GIT2: variants seen among roughly 807,000 people sequenced by gnomAD.
The protein encoded by GIT2 is ARF GTPase-activating protein GIT2.
Under a neutral mutation model 100.3 loss-of-function variants are expected in GIT2, and 32 were observed. The ratio of observed to expected loss-of-function variants is 0.32; its 90% CI spans 0.24 to 0.43. The LOEUF is 0.43. GIT2 is among the 20% of genes least tolerant of loss of function. The pLI is 1.00. For synonymous variants in GIT2, 353 were observed against 364.1 expected (o/e 0.97, Z 0.35); for missense variants, 737 against 975.1 (o/e 0.76, Z 3.25).
chr12:109,978,696 TTC>T (rs1215848857), intron 7 of GIT2, among the ~76,000 whole-genome samples: 8 of 152,250 alleles, frequency 5.3e-5, no homozygotes, highest in African/African-American at 1.9e-4. Flanking sequence ...TCCTATTTGG[TTC>T]TCTTCTGTAT....
chr12:109,984,593 C>T (rs1886978050), intron 4 of GIT2, among the ~76,000 whole-genome samples: 1 of 151,374 alleles, frequency 6.6e-6, no homozygotes, highest in African/African-American at 2.4e-5. Context: ...ACTACAGGCG[C>T]CGGCCACCAT....
At chr12:109,995,938 CGGAGGGAACG>C (rs1314385344) in intron 1 of GIT2, among the ~76,000 whole-genome samples, 11 of 152,128 alleles carry the variant, frequency 7.2e-5, no homozygotes, top group African/African-American at 2.2e-4. Context: ...TGGCCTAGGA[CGGAGGGAACG>C]GGAGGGAACG....
upstream of GIT2, chr12:109,997,394 CAACAACAAA>C (rs1378659803): frequency 1.3e-5 from 2 of 151,930 alleles, no homozygotes; most frequent in African/African-American, 4.8e-5. Context: ...ACTTCAACAA[CAACAACAAA>C]AATAACAAAA....
chr12:109,945,846 T>G (rs1056056137), intron 15 of GIT2, among the ~76,000 whole-genome samples: 1 of 152,148 alleles, frequency 6.6e-6, no homozygotes, highest in Non-Finnish European at 1.5e-5. Flanking sequence ...ATAAGATTCT[T>G]AACTTAGGGT....
At chr12:109,999,723 C>T (rs1468029433), upstream of GIT2, 15 of 1,537,746 alleles carry the variant, frequency 9.8e-6, no homozygotes, top group African/African-American at 1.4e-5. The surrounding 1 kb of genome is among the most constrained non-coding windows in gnomAD (Gnocchi z 4.3). Flanking sequence ...GACCACTACC[C>T]CCTGCACCTC....
intron 7 of GIT2, among the ~76,000 whole-genome samples, chr12:109,977,489 C>T (rs1296913566): frequency 2.6e-5 from 4 of 151,878 alleles, no homozygotes; most frequent in South Asian, 2.1e-4. Context: ...CCAGCCTAGG[C>T]GATGGAGTGA....
chr12:109,975,350 C>G (rs1347426546), intron 7 of GIT2, among the ~76,000 whole-genome samples: 1 of 152,034 alleles, frequency 6.6e-6, no homozygotes, highest in Non-Finnish European at 1.5e-5. Flanking sequence ...AGACTATGGG[C>G]ATGCACCACC....
At chr12:109,997,183 C>T (rs1364739464), upstream of GIT2, among the ~76,000 whole-genome samples, 1 of 121,246 alleles carries the variant, frequency 8.2e-6, no homozygotes. Flanking sequence ...CCAGCATGGG[C>T]GACAGAGTGA....
chr12:109,958,825 G>C (rs890154703), intron 12 of GIT2, among the ~76,000 whole-genome samples: 14 of 152,304 alleles, frequency 9.2e-5, no homozygotes, highest in Non-Finnish European at 1.3e-4. Context: ...TATGGATACA[G>C]TAATAGGGCT....
chr12:109,987,271 C>T (rs895898589), intron 4 of GIT2, among the ~76,000 whole-genome samples: 3 of 151,400 alleles, frequency 2.0e-5, no homozygotes, highest in African/African-American at 7.3e-5. Flanking sequence ...GTAGTCCCAG[C>T]TACTTGGGAG....
chr12:109,994,075 CA>C (rs34393850), intron 1 of GIT2, among the ~76,000 whole-genome samples: 1,767 of 59,678 alleles, frequency 0.03, 16 homozygotes, highest in African/African-American at 0.083. Flanking sequence ...ACACTAATGG[CA>C]AAAAAAAAAA....
At chr12:109,977,295 G>C (rs937181568) in intron 7 of GIT2, among the ~76,000 whole-genome samples, 6 of 152,134 alleles carry the variant, frequency 3.9e-5, no homozygotes, top group Non-Finnish European at 8.8e-5. Context: ...TGGATTACTT[G>C]AGCTCAGGAA....
intron 7 of GIT2, among the ~76,000 whole-genome samples, chr12:109,969,091 C>CTGTATTTT (rs1883213452): frequency 6.6e-6 from 1 of 151,276 alleles, no homozygotes; most frequent in Admixed American, 6.6e-5. Flanking sequence ...TTCCAAATAC[C>CTGTATTTT]TGTATTTTTC....
At chr12:109,936,683 C>T (rs1366844383) in intron 18 of GIT2, among the ~76,000 whole-genome samples, 4 of 152,096 alleles carry the variant, frequency 2.6e-5, no homozygotes, top group Admixed American at 6.6e-5. Context: ...GCCTGGCCAA[C>T]ATGGTGAAAC....
intron 17 of GIT2, chr12:109,938,808 C>G (rs1442987599): frequency 1.9e-6 from 1 of 520,182 alleles, no homozygotes. Flanking sequence ...GAGGGAAATA[C>G]CTGGAGCGGG....
chr12:109,949,228 T>C (rs562378830), intron 14 of GIT2, among the ~76,000 whole-genome samples: 13 of 152,330 alleles, frequency 8.5e-5, no homozygotes, highest in African/African-American at 2.9e-4. Context: ...GTTGAAACTA[T>C]TCATTAGAGA....
chr12:109,947,788 T>A lies in GIT2; in HGVS notation c.1393-284A>T, dbSNP rs1876743277. The A allele has an allele frequency of 5.5e-6, 2 of 364,346 alleles. No homozygotes were observed. The highest frequency in any genetic ancestry group is 4.5e-5 in the Admixed American group (1 of 22,300). The allele number at this position is 364,346 out of a possible 1,614,324, so 22.6% of individuals were successfully genotyped here. A position where few individuals can be genotyped will look rare whatever the true frequency, so the allele number is the denominator to read the frequency against. ...CAAAATGTCTAACCACTTTAAAATT[T>A]GTCATGGTGGGGCTGGGAAATGTTT... On this transcript the variant is annotated intron_variant, in intron 14 of 19. Transcript: ENST00000355312. The surrounding 1 kb of genome is among the most constrained non-coding windows in gnomAD (Gnocchi z 4.3).
Position 109,930,450 on chromosome 12 carries a change from G to A in GIT2, c.*2528C>T, listed in dbSNP as rs1871449421. 6.5e-6 allele frequency: 1 copy of A among 152,674 alleles called. No individual in the cohort carries two copies. The highest frequency in any genetic ancestry group is 2.4e-5 in the African/African-American group (1 of 41,466). 9.5% of individuals were successfully genotyped at this position (152,674 alleles called of 1,614,324 possible). On this transcript the variant is annotated 3_prime_UTR_variant, in exon 20 of 20. Coordinates refer to ENST00000355312, the MANE Select transcript of GIT2 (RefSeq NM_057169.5). ...GGTACGGAATCCATGTGCAAAAGGT[G>A]GCTGGAACAAATGTTCAGATAAGGT...
chr12:109,952,577 T>C (rs1044028047), intron 13 of GIT2: 3 of 519,194 alleles, frequency 5.8e-6, no homozygotes, highest in South Asian at 4.2e-5. Flanking sequence ...AGCTTCCCCT[T>C]AGATGCCCTG....
Sources: gnomAD v4.1 joint callset for allele counts (sites outside exome capture counted in the v4.1 genomes callset) on GRCh38, gnomAD v4.1.1 for gene constraint, Gnocchi (gnomAD v3.1) non-coding constraint, MANE v1.5 for transcripts, NCBI Gene and HGNC (gene_info 2026-07-23, HGNC 2026-07-21) for gene names.